The following BMPER variants were observed in gnomAD, a reference collection of about 807,000 sequenced individuals.
The protein encoded by BMPER is BMP binding endothelial regulator.
In BMPER, 45 loss-of-function variants were observed where a neutral mutation model predicts 87.3. That is an observed-to-expected ratio of 0.52 (90% CI 0.41 to 0.66). BMPER has a LOEUF of 0.66. Ranked by LOEUF, BMPER falls within the 30% of genes least tolerant of loss-of-function variation. The probability of loss-of-function intolerance (pLI) is 0.00; values close to 1 mark genes in which losing one functional copy is unlikely to be tolerated. For missense variants in BMPER, 784 were observed against 867.5 expected, an observed-to-expected ratio of 0.90 and a Z score of 1.21; for synonymous variants, 326 against 316.2, an observed-to-expected ratio of 1.03 and a Z score of -0.33.
intron 8 of BMPER, among the ~76,000 whole-genome samples, chr7:34,052,481 G>A (rs943643570): frequency 3.3e-5 from 5 of 152,172 alleles, no homozygotes; most frequent in Non-Finnish European, 7.4e-5. Context: ...TCTAATTACT[G>A]CTAAAGAAAG....
chr7:34,107,798 C>T (rs761708124), intron 13 of BMPER, among the ~76,000 whole-genome samples: 10 of 152,014 alleles, frequency 6.6e-5, no homozygotes, highest in Non-Finnish European at 1.5e-4. Flanking sequence ...GTGTTGAGGT[C>T]TGGTGTAAGG....
In BMPER at chr7:33,906,255, T is replaced by G. The variant is rs376668761; in HGVS notation, c.133+509T>G. ...GGCAGGTGAAGACCTCAGCTGCTAT[T>G]CTGAAGGACATACTTTACTGACACC... On this transcript the variant is annotated intron_variant, in intron 1 of 14. Transcript: ENST00000649409. Among the ~76,000 whole-genome samples, 9 of 152,324 alleles carry G rather than the reference T, an allele frequency of 5.9e-5. No individual in the cohort carries two copies. The East Asian group carries it at 7.7e-4, about 13-fold the overall frequency.
At chr7:34,020,398 C>A (rs1160265932) in intron 6 of BMPER, among the ~76,000 whole-genome samples, 2 of 151,922 alleles carry the variant, frequency 1.3e-5, no homozygotes, top group Non-Finnish European at 1.5e-5. Context: ...AGATCTTCAA[C>A]CTGTTTCACA....
intron 8 of BMPER, among the ~76,000 whole-genome samples, chr7:34,054,026 CCT>C (rs1788213945): frequency 6.6e-6 from 1 of 152,186 alleles, no homozygotes. Flanking sequence ...TGTCATTCAA[CCT>C]GAGAGGCTTT....
At chr7:33,926,522 T>C (rs1265206418) in intron 2 of BMPER, among the ~76,000 whole-genome samples, 1 of 152,248 alleles carries the variant, frequency 6.6e-6, no homozygotes, top group East Asian at 1.9e-4. Flanking sequence ...TTATAACACC[T>C]TAATCTCAGA....
intron 3 of BMPER, among the ~76,000 whole-genome samples, chr7:33,960,131 C>T (rs879944891): frequency 2.0e-5 from 3 of 152,156 alleles, no homozygotes; most frequent in East Asian, 3.8e-4. Context: ...AGGGAGCACA[C>T]GCTACTATTT....
At chr7:33,980,196 A>G (rs568125812) in intron 6 of BMPER, among the ~76,000 whole-genome samples, 5 of 152,328 alleles carry the variant, frequency 3.3e-5, no homozygotes, top group Non-Finnish European at 7.3e-5. Flanking sequence ...TTGTAGAAAT[A>G]AAAGAGCCAA....
intron 6 of BMPER, among the ~76,000 whole-genome samples, chr7:33,982,340 A>G (rs1365887): frequency 6.6e-6 from 1 of 152,166 alleles, no homozygotes. Context: ...AGAATTGAGC[A>G]ATTATTGAGC....
intron 13 of BMPER, among the ~76,000 whole-genome samples, chr7:34,109,798 G>A (rs1789914709): frequency 6.6e-6 from 1 of 152,212 alleles, no homozygotes; most frequent in African/African-American, 2.4e-5. Flanking sequence ...TTCTAAGTAT[G>A]TCAGCACTTA....
At chr7:34,137,100 A>G (rs1176394715) in intron 13 of BMPER, among the ~76,000 whole-genome samples, 1 of 152,242 alleles carries the variant, frequency 6.6e-6, no homozygotes, top group African/African-American at 2.4e-5. Context: ...ATGAAAAACT[A>G]TAGGTTTTTC....
intron 11 of BMPER, among the ~76,000 whole-genome samples, chr7:34,072,478 A>G (rs1397221554): frequency 6.6e-6 from 1 of 151,298 alleles, no homozygotes; most frequent in Non-Finnish European, 1.5e-5. Flanking sequence ...GGTAGCCCAC[A>G]TTCCTTGGCT....
chr7:34,047,347 T>C (rs1338877357), intron 7 of BMPER, among the ~76,000 whole-genome samples: 1 of 152,118 alleles, frequency 6.6e-6, no homozygotes, highest in Non-Finnish European at 1.5e-5. Flanking sequence ...GGTGTGATCT[T>C]GGCTCGCTGC....
chr7:34,011,583 C>CAAAAAAAAAAAAAAGAAAAAAA (rs1786877156), intron 6 of BMPER, among the ~76,000 whole-genome samples: 1 of 45,764 alleles, frequency 2.2e-5, no homozygotes, highest in African/African-American at 6.6e-5. Context: ...TTGGTCAGGG[C>CAAAAAAAAAAAAAAGAAAAAAA]AAAAAAAAAA....
chr7:33,926,404 T>C (rs1030613206), intron 2 of BMPER, among the ~76,000 whole-genome samples: 16 of 152,252 alleles, frequency 1.1e-4, no homozygotes, highest in African/African-American at 3.9e-4. Flanking sequence ...TTAAGGGTTC[T>C]AATTATGGTT....
intron 13 of BMPER, among the ~76,000 whole-genome samples, chr7:34,107,991 A>G (rs1789867322): frequency 6.6e-6 from 1 of 152,254 alleles, no homozygotes; most frequent in Non-Finnish European, 1.5e-5. Flanking sequence ...TAAAGTACTT[A>G]GTACAATTTT....
At chr7:34,027,203 C>G (rs1420344476) in intron 6 of BMPER, among the ~76,000 whole-genome samples, 1 of 152,118 alleles carries the variant, frequency 6.6e-6, no homozygotes, top group Non-Finnish European at 1.5e-5. Flanking sequence ...GTCCCCAAGA[C>G]AGTTCCAGGG....
At chr7:33,992,104 G>T (rs1332014217) in intron 6 of BMPER, among the ~76,000 whole-genome samples, 2 of 152,044 alleles carry the variant, frequency 1.3e-5, no homozygotes, top group Non-Finnish European at 2.9e-5. Context: ...TTGATTTGGG[G>T]TGGAGAGTTC....
chr7:34,057,993 A>G, intron 9 of BMPER, 66 bp from the exon 10 acceptor site: 2 of 1,409,726 alleles, frequency 1.4e-6, no homozygotes, highest in Non-Finnish European at 2.0e-6. Flanking sequence ...TGGAGAGGTT[A>G]CAGTCTGTTG....
intron 6 of BMPER, among the ~76,000 whole-genome samples, chr7:34,000,976 C>T (rs1262299882): frequency 6.6e-6 from 1 of 151,914 alleles, no homozygotes; most frequent in Non-Finnish European, 1.5e-5. Flanking sequence ...TTTATATTAA[C>T]ATGATGCTTT....
Sources: gnomAD v4.1 joint callset for allele counts (sites outside exome capture counted in the v4.1 genomes callset) on GRCh38, gnomAD v4.1.1 for gene constraint, MANE v1.5 for transcripts, NCBI Gene and HGNC (gene_info 2026-07-23, HGNC 2026-07-21) for gene names.